Variants in SLC39A14 observed in about 807,000 individuals in gnomAD.
The protein encoded by SLC39A14 is metal cation symporter ZIP14.
A neutral mutation model predicts 45.5 loss-of-function variants in SLC39A14; 19 were observed. The ratio of observed to expected loss-of-function variants is 0.42; its 90% CI spans 0.29 to 0.61. SLC39A14 has a LOEUF of 0.61. Ranked by LOEUF, SLC39A14 falls within the 20% of genes least tolerant of loss-of-function variation. SLC39A14 has a pLI of 0.22. For synonymous variants in SLC39A14, 264 were observed against 251.3 expected, an observed-to-expected ratio of 1.05 and a Z score of -0.48; for missense variants, 447 against 616.5, an observed-to-expected ratio of 0.73 and a Z score of 2.91.
At chr8:22,378,044 C>T (rs183957227) in intron 1 of SLC39A14, among the ~76,000 whole-genome samples, 1 of 152,308 alleles carries the variant, frequency 6.6e-6, no homozygotes, top group Admixed American at 6.5e-5. Flanking sequence ...GTTAGAAGCT[C>T]TAAAGCCTGC....
At position 22,414,872 on chromosome 8, in the gene SLC39A14, C is replaced by A; in HGVS notation, c.720C>A (p.Ile240=). ...ATCTTTTCTTTTTCACAGAGAAGAT[C>A]TTGAAGATTCTTCTTAAGCAGAAAA... is the stretch of plus-strand genomic sequence containing the variant. The part of the protein sequence containing the change: ...GFYLFFFTEK[I]LKILLKQKNE... Residue 240 remains isoleucine, a synonymous_variant, in exon 5 of 9, where the codon ATC becomes ATA. Coordinates refer to ENST00000381237, the MANE Select transcript of SLC39A14 (RefSeq NM_001128431.4). 1.2e-6 allele frequency: 2 copies of A among 1,613,004 alleles called. No individual in the cohort carries two copies. Among genetic ancestry groups the A allele is most frequent in the Non-Finnish European group, 1.7e-6 (2 of 1,179,654 alleles).
intron 8 of SLC39A14, among the ~76,000 whole-genome samples, chr8:22,431,701 T>A (rs1836469516): frequency 6.6e-6 from 1 of 152,226 alleles, no homozygotes; most frequent in Non-Finnish European, 1.5e-5. Flanking sequence ...AATATTTATG[T>A]CTTCTGACTG....
chr8:22,399,663 G>A (rs1834739770), intron 1 of SLC39A14, among the ~76,000 whole-genome samples: 1 of 152,250 alleles, frequency 6.6e-6, no homozygotes, highest in Admixed American at 6.5e-5. Context: ...AGGTGGTCCT[G>A]TGGGCTCATT....
chr8:22,424,866 T>C (rs1836356534), downstream of SLC39A14, among the ~76,000 whole-genome samples: 1 of 151,966 alleles, frequency 6.6e-6, no homozygotes, highest in Non-Finnish European at 1.5e-5. Context: ...CTATCTCTAC[T>C]AAAAATACAA....
chr8:22,387,549 G>T (rs958301179), intron 1 of SLC39A14, among the ~76,000 whole-genome samples: 1 of 152,196 alleles, frequency 6.6e-6, no homozygotes, highest in Non-Finnish European at 1.5e-5. Flanking sequence ...ATGTTGTCAG[G>T]GAAGTCACTT....
intron 7 of SLC39A14, 121 bp from the exon 8 acceptor site, chr8:22,417,530 C>G (rs1835959589): frequency 1.2e-6 from 1 of 832,002 alleles, no homozygotes; most frequent in African/African-American, 1.7e-5. Context: ...ATTCAAACTC[C>G]TGAGCTCAAA....
intron 1 of SLC39A14, among the ~76,000 whole-genome samples, chr8:22,373,498 A>G (rs1219745231): frequency 6.6e-6 from 1 of 152,132 alleles, no homozygotes; most frequent in Non-Finnish European, 1.5e-5. Context: ...ATTATATTAT[A>G]CCCTAAACTT....
At chr8:22,408,557 C>T in intron 3 of SLC39A14, 61 bp downstream of exon 3, 11 of 1,483,848 alleles carry the variant, frequency 7.4e-6, no homozygotes, top group Admixed American at 2.0e-5. Flanking sequence ...CACAAGGACC[C>T]CTGGGCTGAG....
At chr8:22,409,596 G>A (rs540442989) in intron 3 of SLC39A14, among the ~76,000 whole-genome samples, 2 of 151,718 alleles carry the variant, frequency 1.3e-5, no homozygotes, top group African/African-American at 2.4e-5. Context: ...TAGTCAGGCC[G>A]GTCTCGAACT....
chr8:22,433,272 TC>T (rs36027615), intron 8 of SLC39A14, among the ~76,000 whole-genome samples: 5,040 of 152,260 alleles, frequency 0.033, 260 homozygotes, highest in African/African-American at 0.11. Flanking sequence ...CGTTTCCATA[TC>T]CTTAACACAG....
chr8:22,404,046 C>A (rs567151418), intron 1 of SLC39A14, among the ~76,000 whole-genome samples: 12 of 152,248 alleles, frequency 7.9e-5, no homozygotes, highest in Non-Finnish European at 1.6e-4. Flanking sequence ...GTGCTCATAC[C>A]CCCTCCTTTA....
In SLC39A14 at chr8:22,422,699, C is replaced by T. The variant is rs1836296304; in HGVS notation, c.*3001C>T. 5.1e-6 allele frequency: 5 copies of T among 985,212 alleles called. No individual in the cohort carries two copies. The highest frequency in any genetic ancestry group is 6.0e-6 in the Non-Finnish European group (5 of 829,738). The allele number at this position is 985,212 out of a possible 1,614,324, so 61.0% of individuals were successfully genotyped here. ...AATTGTTGAGAATCCCACGGGTGAT[C>T]ATTTGCAATAAATGTGGATGTAATG... On this transcript the variant is annotated 3_prime_UTR_variant, in exon 9 of 9. Coordinates refer to ENST00000381237, the MANE Select transcript of SLC39A14 (RefSeq NM_001128431.4).
chr8:22,387,903 G>A (rs1415944146), intron 1 of SLC39A14, among the ~76,000 whole-genome samples: 1 of 152,218 alleles, frequency 6.6e-6, no homozygotes, highest in Non-Finnish European at 1.5e-5. Context: ...TTTAAGATCA[G>A]CTTGTCCAAC....
At chr8:22,377,522 T>C (rs982331204) in intron 1 of SLC39A14, among the ~76,000 whole-genome samples, 41 of 152,194 alleles carry the variant, frequency 2.7e-4, no homozygotes, top group African/African-American at 9.7e-4. Flanking sequence ...CACCTATCTG[T>C]ATATATGTAT....
chr8:22,399,812 A>C (rs1191908827), intron 1 of SLC39A14, among the ~76,000 whole-genome samples: 1 of 152,276 alleles, frequency 6.6e-6, no homozygotes, highest in Non-Finnish European at 1.5e-5. Flanking sequence ...AGTGCCAGCC[A>C]GGCAAAGCTG....
intron 2 of SLC39A14, among the ~76,000 whole-genome samples, chr8:22,407,654 C>A (rs1835303826): frequency 6.6e-6 from 1 of 151,800 alleles, no homozygotes. Flanking sequence ...AGCCACCGCA[C>A]CTGGCCCCAG....
At chr8:22,412,292 C>T in intron 4 of SLC39A14, 86 bp downstream of exon 4, 1 of 1,356,580 alleles carries the variant, frequency 7.4e-7, no homozygotes, top group East Asian at 2.5e-5. Context: ...ATAGAGAGGG[C>T]ACCTGGAGGC....
intron 1 of SLC39A14, among the ~76,000 whole-genome samples, chr8:22,384,071 A>G (rs1312374831): frequency 6.6e-6 from 1 of 151,984 alleles, no homozygotes; most frequent in East Asian, 1.9e-4. Flanking sequence ...GGTGCCTCCC[A>G]CGGCAGAAGC....
chr8:22,368,766 G>T (rs1275075669), intron 1 of SLC39A14, among the ~76,000 whole-genome samples: 3 of 152,092 alleles, frequency 2.0e-5, no homozygotes, highest in South Asian at 4.1e-4. Flanking sequence ...TCGATCTCCT[G>T]ACCTCGTGAT....
Sources: allele counts gnomAD v4.1 joint callset (sites outside exome capture counted in the v4.1 genomes callset), GRCh38; gene constraint gnomAD v4.1.1; transcripts MANE v1.5; gene names NCBI Gene and HGNC (gene_info 2026-07-23, HGNC 2026-07-21).